The following SUOX variants were observed in gnomAD, a reference collection of about 807,000 sequenced individuals.
SUOX encodes the protein sulfite oxidase, also known as sulfite oxidase, mitochondrial.
Under a neutral mutation model 41.9 loss-of-function variants are expected in SUOX, and 39 were observed. The ratio of observed to expected loss-of-function variants is 0.93; its 90% CI spans 0.72 to 1.21. The LOEUF is 1.21. Among genes scored for constraint, SUOX ranks in the 50% most tolerant of loss-of-function variants. The pLI, the probability that SUOX is intolerant of heterozygous loss-of-function variation, is 0.00. For missense variants in SUOX, 633 were observed against 689.5 expected (o/e 0.92, Z 0.92); for synonymous variants, 220 against 268.4 (o/e 0.82, Z 1.76).
chr12:55,999,189 C>A (rs1338409227), intron 2 of SUOX: 1 of 152,184 alleles, frequency 6.6e-6, no homozygotes, highest in Non-Finnish European at 1.5e-5. Flanking sequence ...CAGGGTCTCG[C>A]TCTCTGTTGC....
chr12:55,998,750 CAA>C (rs1890402486), intron 2 of SUOX, among the ~76,000 whole-genome samples: 1 of 151,794 alleles, frequency 6.6e-6, no homozygotes, highest in Admixed American at 6.6e-5. Flanking sequence ...GGCTTGAGCC[CAA>C]GAGGTTGAAG....
At position 56,004,722 on chromosome 12, in the gene SUOX, A is replaced by G. The variant is rs999936687; in HGVS notation, c.1333A>G (p.Ile445Val). The G allele has an allele frequency of 9.3e-6, 15 of 1,614,052 alleles. No homozygotes were observed. The highest frequency in any genetic ancestry group is 3.3e-5 in the Admixed American group (2 of 60,002). ...GETVESGEVTIKGYAWSGGGR... is the reference protein window; with the variant it reads ...GETVESGEVTVKGYAWSGGGR... ...GACTGTAGAATCAGGGGAGGTGACCATCAAGGGCTATGCATGGAGTGGTGG... is the reference window on the plus strand; with the variant it reads ...GACTGTAGAATCAGGGGAGGTGACCGTCAAGGGCTATGCATGGAGTGGTGG... The change falls in exon 5 of 5, where the codon ATC becomes GTC. Residue 445 changes from isoleucine to valine, a missense_variant. By Grantham distance (29) the Ile-to-Val change is conservative. Coordinates refer to ENST00000266971, the MANE Select transcript of SUOX (RefSeq NM_001032386.2). This position sits in a 1 kb window ranked among gnomAD's most constrained non-coding sequence, Gnocchi z 4.5.
Position 56,005,267 on chromosome 12 carries a change from G to GA in SUOX, c.*246dup, listed in dbSNP as rs1890702381. On this transcript the variant is annotated 3_prime_UTR_variant, in exon 5 of 5. Transcript: ENST00000266971. ...GCTGTTACAGCAAGGGGCTAGAAGT[G>GA]AAAAAAGTAATTCTGGAGACAAGCA... is the stretch of plus-strand genomic sequence containing the variant. 1 of 595,906 alleles carries GA rather than the reference G, an allele frequency of 1.7e-6. No individual in the cohort carries two copies. The highest frequency in any genetic ancestry group is 2.0e-5 in the South Asian group (1 of 48,816). 36.9% of individuals were successfully genotyped at this position (595,906 alleles called of 1,614,324 possible). A position where few individuals can be genotyped will look rare whatever the true frequency, so the allele number is the denominator to read the frequency against.
At chr12:56,002,807 G>A in intron 4 of SUOX, 87 bp downstream of exon 4, 1 of 1,542,832 alleles carries the variant, frequency 6.5e-7, no homozygotes. Flanking sequence ...GGCCAAGGTG[G>A]GTGGGTCACT....
At position 56,004,875 on chromosome 12, in the gene SUOX, C is replaced by T. The variant is rs1890686844; in HGVS notation, c.1486C>T (p.Pro496Ser). 6.2e-7 allele frequency: 1 copy of T among 1,614,034 alleles called. No homozygotes were observed. The highest frequency in any genetic ancestry group is 1.3e-5 in the African/African-American group (1 of 74,902). Residue 496 changes from proline to serine, a missense_variant, in exon 5 of 5, where the codon CCT becomes TCT. Physicochemically the swap from Pro to Ser is moderately conservative, Grantham distance 74. Coordinates refer to ENST00000266971, the MANE Select transcript of SUOX (RefSeq NM_001032386.2). The surrounding 1 kb of genome is among the most constrained non-coding windows in gnomAD (Gnocchi z 4.5). The stretch of plus-strand genomic sequence containing the variant: ...ATGGCGTCTGTGGCAGTTGAAAGCC[C>T]CTGTGCCAGCTGGACAAAAGGAACT... ...WAWRLWQLKA[P>S]VPAGQKELNI...
chr12:56,005,365 T>C lies in SUOX; in HGVS notation c.*338T>C. ...CAAGGCCTTGTTTTGCTTTTCTTTTTGGATTGTTCAGAGAAATGTGTGTGG... is the reference window on the plus strand; with the variant it reads ...CAAGGCCTTGTTTTGCTTTTCTTTTCGGATTGTTCAGAGAAATGTGTGTGG... On this transcript the variant is annotated 3_prime_UTR_variant, in exon 5 of 5. Transcript: ENST00000266971. The C allele has an allele frequency of 1.7e-6, 1 of 586,724 alleles. No individual in the cohort carries two copies. Among genetic ancestry groups the C allele is most frequent in the Non-Finnish European group, 3.0e-6 (1 of 330,618 alleles). The allele number at this position is 586,724 out of a possible 1,614,324, so 36.3% of individuals were successfully genotyped here.
At position 56,004,447 on chromosome 12, in the gene SUOX, A is replaced by G. The variant is rs769261459; in HGVS notation, c.1058A>G (p.Asn353Ser). The change falls in exon 5 of 5, where the codon AAT becomes AGT. Residue 353 changes from asparagine to serine, a missense_variant. By Grantham distance (46) the Asn-to-Ser change is conservative. Coordinates refer to ENST00000266971, the MANE Select transcript of SUOX (RefSeq NM_001032386.2). This position sits in a 1 kb window ranked among gnomAD's most constrained non-coding sequence, Gnocchi z 4.5. ...EAEVLLAYEMNGQPLPRDHGF... is the reference protein window; with the variant it reads ...EAEVLLAYEMSGQPLPRDHGF... ...GAGGTCCTGCTGGCATATGAGATGA[A>G]TGGGCAGCCTCTGCCACGTGACCAC... is the stretch of plus-strand genomic sequence containing the variant. 2.5e-6 allele frequency: 4 copies of G among 1,614,138 alleles called. No individual in the cohort carries two copies. Among genetic ancestry groups the G allele is most frequent in the Non-Finnish European group, 3.4e-6 (4 of 1,180,004 alleles).
At position 56,002,714 on chromosome 12, in the gene SUOX, G is replaced by T; in HGVS notation, c.222G>T (p.Arg74=). 6.2e-7 allele frequency: 1 copy of T among 1,614,070 alleles called. No homozygotes were observed. Among genetic ancestry groups the T allele is most frequent in the Non-Finnish European group, 8.5e-7 (1 of 1,180,008 alleles). The change falls in exon 4 of 5, where the codon CGG becomes CGT. Residue 74 remains arginine (R), a synonymous_variant. Coordinates refer to ENST00000266971, the MANE Select transcript of SUOX (RefSeq NM_001032386.2). ...LGAVLAYQDH[R]CRAAQESTHI... The stretch of plus-strand genomic sequence containing the variant: ...CAGTGTTGGCCTATCAGGACCATCG[G>T]TGTAGGGTAAGTAGGGAAAGTGCTT...
Position 56,005,144 on chromosome 12 carries a change from C to A in SUOX, c.*117C>A. ...AACTCTGGCCTTCCTAAGCCATACC[C>A]AAGTACACATATAGCACATTTCACC... On this transcript the variant is annotated 3_prime_UTR_variant, in exon 5 of 5. Coordinates refer to ENST00000266971, the MANE Select transcript of SUOX (RefSeq NM_001032386.2). 8.6e-7 allele frequency: 1 copy of A among 1,160,284 alleles called. No individual in the cohort carries two copies. The highest frequency in any genetic ancestry group is 1.3e-6 in the Non-Finnish European group (1 of 790,040). 71.9% of individuals were successfully genotyped at this position (1,160,284 alleles called of 1,614,324 possible).
chr12:56,002,012 C>T (rs1890549027), intron 2 of SUOX, 200 bp from the exon 3 acceptor site: 1 of 1,445,826 alleles, frequency 6.9e-7, no homozygotes, highest in South Asian at 1.4e-5. Context: ...TACCTGCCAT[C>T]CTGTCAGCAC....
chr12:56,000,589 C>T (rs918419171), intron 2 of SUOX, among the ~76,000 whole-genome samples: 1 of 152,144 alleles, frequency 6.6e-6, no homozygotes, highest in Non-Finnish European at 1.5e-5. Context: ...GAAAGGGGCT[C>T]CCACAGTGCA....
Position 56,004,142 on chromosome 12 carries a change from C to T in SUOX, c.753C>T (p.His251=). Residue 251 remains histidine (H), a synonymous_variant, in exon 5 of 5, where the codon CAC becomes CAT. Transcript: ENST00000266971. The surrounding 1 kb of genome is among the most constrained non-coding windows in gnomAD (Gnocchi z 4.5). ...TGTCTCTTTCCCTGGATGACTTGCACAACTTTCCCAGGTACGAGATCACAG... is the reference window on the plus strand; with the variant it reads ...TGTCTCTTTCCCTGGATGACTTGCATAACTTTCCCAGGTACGAGATCACAG... The part of the protein sequence containing the change: ...QSLSLSLDDL[H]NFPRYEITVT... 6.2e-7 allele frequency: 1 copy of T among 1,614,214 alleles called. No homozygotes were observed. The highest frequency in any genetic ancestry group is 8.5e-7 in the Non-Finnish European group (1 of 1,180,044).
chr12:56,003,601 T>A lies in SUOX; in HGVS notation c.229-17T>A, dbSNP rs1307158899. The A allele has an allele frequency of 6.2e-7, 1 of 1,612,166 alleles. No homozygotes were observed. Among genetic ancestry groups the A allele is most frequent in the East Asian group, 2.2e-5 (1 of 44,880 alleles). On this transcript the variant is annotated splice_polypyrimidine_tract_variant and intron_variant, in intron 4 of 4. Transcript: ENST00000266971. ...AATAGTCTCTTCCCTTTTATCTTACTCCTTCCCTGCCAATAGGCTGCTCAG... is the reference window on the plus strand; with the variant it reads ...AATAGTCTCTTCCCTTTTATCTTACACCTTCCCTGCCAATAGGCTGCTCAG...
Position 56,004,767 on chromosome 12 carries a change from G to A in SUOX, c.1378G>A (p.Val460Met), listed in dbSNP as rs1592831873. 4 of 1,614,156 alleles carry A rather than the reference G, an allele frequency of 2.5e-6. No individual in the cohort carries two copies. The highest frequency in any genetic ancestry group is 2.2e-5 in the East Asian group (1 of 44,876). Residue 460 changes from valine to methionine, a missense_variant, in exon 5 of 5, where the codon GTG becomes ATG. Physicochemically the swap from Val to Met is conservative, Grantham distance 21 (BLOSUM62 1). Transcript: ENST00000266971. This position sits in a 1 kb window ranked among gnomAD's most constrained non-coding sequence, Gnocchi z 4.5. ...WSGGGRAVIR[V>M]DVSLDGGLTW... ...TGGTGGTGGCAGGGCTGTGATCCGG[G>A]TGGATGTGTCTCTGGATGGGGGCCT...
chr12:56,003,264 CTT>C (rs1210030456), intron 4 of SUOX, among the ~76,000 whole-genome samples: 13 of 141,604 alleles, frequency 9.2e-5, no homozygotes, highest in African/African-American at 7.7e-5. Context: ...TTCATTTTTT[CTT>C]TTTTTTTTTT....
Position 56,005,049 on chromosome 12 carries a change from A to G in SUOX, c.*22A>G. On this transcript the variant is annotated 3_prime_UTR_variant, in exon 5 of 5. Coordinates refer to ENST00000266971, the MANE Select transcript of SUOX (RefSeq NM_001032386.2). ...ATGAGCATGGAAAGGAGCCACCTCCACCCCTTTCCCCACCCATTAGCCTCA... is the reference window on the plus strand; with the variant it reads ...ATGAGCATGGAAAGGAGCCACCTCCGCCCCTTTCCCCACCCATTAGCCTCA... The G allele has an allele frequency of 6.2e-7, 1 of 1,603,888 alleles. No homozygotes were observed. Among genetic ancestry groups the G allele is most frequent in the Non-Finnish European group, 8.5e-7 (1 of 1,178,646 alleles).
chr12:56,000,226 C>A (rs539398895), intron 2 of SUOX, among the ~76,000 whole-genome samples: 2 of 152,348 alleles, frequency 1.3e-5, no homozygotes, highest in African/African-American at 4.8e-5. Flanking sequence ...GCTTAGGCCC[C>A]ACAGGAGCCC....
chr12:56,003,861 G>A lies in SUOX; in HGVS notation c.472G>A (p.Gly158Arg). Residue 158 changes from glycine (G) to arginine (R), a missense_variant, in exon 5 of 5, where the codon GGG becomes AGG. By Grantham distance (125) the Gly-to-Arg change is moderately radical. Coordinates refer to ENST00000266971, the MANE Select transcript of SUOX (RefSeq NM_001032386.2). ...VRELLAQYKIGELNPEDKVAP... is the reference protein window; with the variant it reads ...VRELLAQYKIRELNPEDKVAP... ...TGAGTTACTGGCTCAGTACAAGATT[G>A]GGGAGCTGAATCCTGAAGACAAGGT... 6.2e-7 allele frequency: 1 copy of A among 1,614,068 alleles called. No individual in the cohort carries two copies.
intron 2 of SUOX, chr12:56,001,563 A>AGTG (rs1368569038): frequency 4.5e-5 from 7 of 156,106 alleles, no homozygotes; most frequent in Middle Eastern, 3.4e-3. Flanking sequence ...ACATATCCCC[A>AGTG]GTGGATAAGG....
Sources: gnomAD v4.1 joint callset for allele counts (sites outside exome capture counted in the v4.1 genomes callset) on GRCh38, gnomAD v4.1.1 for gene constraint, Gnocchi (gnomAD v3.1) non-coding constraint, MANE v1.5 for transcripts, NCBI Gene and HGNC (gene_info 2026-07-23, HGNC 2026-07-21) for gene names.